GTF3C4: variants seen among roughly 807,000 people sequenced by gnomAD.
The protein encoded by GTF3C4 is general transcription factor IIIC subunit 4, also known as general transcription factor 3C polypeptide 4.
A neutral mutation model predicts 67.5 loss-of-function variants in GTF3C4; 28 were observed. The observed-to-expected ratio is 0.41, with a 90% CI of 0.31 to 0.57. GTF3C4 has a LOEUF of 0.57. Ranked by LOEUF, GTF3C4 falls within the 20% of genes least tolerant of loss-of-function variation. GTF3C4 has a pLI of 0.21. For synonymous variants in GTF3C4, 409 were observed against 393.0 expected, an observed-to-expected ratio of 1.04 and a Z score of -0.48; for missense variants, 831 against 1,033.2, an observed-to-expected ratio of 0.80 and a Z score of 2.68.
In GTF3C4 at chr9:132,693,199, C is replaced by T. The variant is rs1163081228; in HGVS notation, c.*4254C>T. The T allele has an allele frequency of 6.6e-6, 1 of 152,174 alleles. No homozygotes were observed. The highest frequency in any genetic ancestry group is 1.5e-5 in the Non-Finnish European group (1 of 68,030). The allele number at this position is 152,174 out of a possible 1,614,324, so 9.4% of individuals were successfully genotyped here. A position where few individuals can be genotyped will look rare whatever the true frequency, so the allele number is the denominator to read the frequency against. On this transcript the variant is annotated 3_prime_UTR_variant, in exon 5 of 5. Transcript: ENST00000372146. Reference sequence around the variant, plus strand: ...CCTGCCATCTGCATAGATGGTTTAACATGGTGCTGTTTTTGAAAACTTGCT... The same window carrying T: ...CCTGCCATCTGCATAGATGGTTTAATATGGTGCTGTTTTTGAAAACTTGCT...
intron 2 of GTF3C4, among the ~76,000 whole-genome samples, chr9:132,680,760 A>G (rs888340977): frequency 5.3e-5 from 8 of 152,234 alleles, no homozygotes; most frequent in African/African-American, 1.4e-4. Context: ...AATGTTTGCA[A>G]TGGTCTTAAG....
intron 3 of GTF3C4, 41 bp from the exon 4 acceptor site, chr9:132,687,198 G>C (rs754719089): frequency 9.1e-7 from 1 of 1,100,056 alleles, no homozygotes; most frequent in Admixed American, 1.7e-5. Flanking sequence ...TGTTAGTAGA[G>C]CAAACCCTCT....
Position 132,671,044 on chromosome 9 carries a change from C to A in GTF3C4, c.357+89C>A, listed in dbSNP as rs1590129157. 3.4e-5 allele frequency: 30 copies of A among 895,264 alleles called. 1 individual carries two copies. In the East Asian group the frequency reaches 7.5e-4, roughly 22 times the overall value. The allele number at this position is 895,264 out of a possible 1,614,324, so 55.5% of individuals were successfully genotyped here. On this transcript the variant is annotated intron_variant, in intron 1 of 4. Transcript: ENST00000372146. ...TCCCAGGGGAATCCGATCCCACACTCTGTCCGGGGATTTCCCTCTTCGCAC... is the reference window on the plus strand; with the variant it reads ...TCCCAGGGGAATCCGATCCCACACTATGTCCGGGGATTTCCCTCTTCGCAC...
In GTF3C4 at chr9:132,694,894, C is replaced by T. The variant is rs1231988173; in HGVS notation, c.*5949C>T. The T allele has an allele frequency of 1.3e-5, 2 of 152,110 alleles. No individual in the cohort carries two copies. The highest frequency in any genetic ancestry group is 4.8e-5 in the African/African-American group (2 of 41,410). 9.4% of individuals were successfully genotyped at this position (152,110 alleles called of 1,614,324 possible). ...AATATGTTGTGGTTTGTATACAGAG[C>T]CATTAGTATTGTTATTTTGGCCACT... is the stretch of plus-strand genomic sequence containing the variant. On this transcript the variant is annotated 3_prime_UTR_variant, in exon 5 of 5. Coordinates refer to ENST00000372146, the MANE Select transcript of GTF3C4 (RefSeq NM_012204.4).
chr9:132,677,263 G>A (rs1489179034), intron 1 of GTF3C4, among the ~76,000 whole-genome samples: 1 of 152,182 alleles, frequency 6.6e-6, no homozygotes, highest in Non-Finnish European at 1.5e-5. Flanking sequence ...TTAGCTGGGT[G>A]TGGTGGTGCA....
chr9:132,682,122 AGAGGTATGTATGG>A (rs1835954503), intron 2 of GTF3C4, among the ~76,000 whole-genome samples: 1 of 152,108 alleles, frequency 6.6e-6, no homozygotes, highest in South Asian at 2.1e-4. Context: ...AAGAAAAAAT[AGAGGTATGTATGG>A]GAGGAATTCT....
rs1835697248 is a variant in GTF3C4, at chr9:132,670,545, G to C, written c.-54G>C. The stretch of plus-strand genomic sequence containing the variant: ...GGGTGGCGGCGGCGGTCCGGGAGGT[G>C]GTCGCGCGACTGCGTGGAGCGCCAG... On this transcript the variant is annotated 5_prime_UTR_variant, in exon 1 of 5. Transcript: ENST00000372146. The C allele has an allele frequency of 2.3e-6, 3 of 1,293,448 alleles. No homozygotes were observed. Among genetic ancestry groups the C allele is most frequent in the South Asian group, 3.4e-5 (2 of 58,444 alleles). 80.1% of individuals were successfully genotyped at this position (1,293,448 alleles called of 1,614,324 possible).
intron 2 of GTF3C4, among the ~76,000 whole-genome samples, chr9:132,680,829 G>C (rs953810524): frequency 2.0e-5 from 3 of 152,222 alleles, no homozygotes; most frequent in Non-Finnish European, 4.4e-5. Flanking sequence ...TAACTTTTGG[G>C]GCTGGGCGTG....
chr9:132,688,867 T>A lies in GTF3C4; in HGVS notation c.2405-14T>A. The A allele has an allele frequency of 6.2e-7, 1 of 1,600,232 alleles. No homozygotes were observed. The highest frequency in any genetic ancestry group is 8.6e-7 in the Non-Finnish European group (1 of 1,167,256). ...CGAAGCTAACAGTTGATACCACTTG[T>A]CCTCCTTTTGCAGATCCCGACTGGA... On this transcript the variant is annotated splice_polypyrimidine_tract_variant and intron_variant, in intron 4 of 4. Transcript: ENST00000372146.
In GTF3C4 at chr9:132,683,575, C is replaced by T. The variant is rs994665926; in HGVS notation, c.2197C>T (p.His733Tyr). The T allele has an allele frequency of 2.5e-6, 4 of 1,612,068 alleles. No individual in the cohort carries two copies. The African/African-American group carries it at 5.3e-5, about 22-fold the overall frequency. Residue 733 changes from histidine (H) to tyrosine (Y), a missense_variant, in exon 3 of 5, where the codon CAT (histidine) becomes TAT (tyrosine). Physicochemically the swap from His to Tyr is moderately conservative, Grantham distance 83. Around this residue, in one of 4 missense-constraint regions of GTF3C4, gnomAD observed 129 missense variants for 213.8 expected, o/e 0.60. Coordinates refer to ENST00000372146, the MANE Select transcript of GTF3C4 (RefSeq NM_012204.4). ...TTTGTCTTACTAGGTGCTGATTGGA[C>T]ATATCTCAAAGAAGATGAACAAACA... The part of the protein sequence containing the change: ...DDRTARVLIG[H>Y]ISKKMNKQTF...
At chr9:132,675,493 A>G (rs928964518) in intron 1 of GTF3C4, among the ~76,000 whole-genome samples, 1 of 152,168 alleles carries the variant, frequency 6.6e-6, no homozygotes, top group Non-Finnish European at 1.5e-5. Context: ...CTAAAACACC[A>G]TTCCCAAAGT....
intron 2 of GTF3C4, among the ~76,000 whole-genome samples, chr9:132,680,246 A>T (rs1835920979): frequency 6.6e-6 from 1 of 152,270 alleles, no homozygotes; most frequent in Non-Finnish European, 1.5e-5. Flanking sequence ...AGAAAGACAT[A>T]TAAAGTAAAC....
chr9:132,681,599 C>T (rs1444187703), intron 2 of GTF3C4, among the ~76,000 whole-genome samples: 2 of 151,944 alleles, frequency 1.3e-5, no homozygotes, highest in Admixed American at 6.6e-5. Context: ...TCTGAATTGC[C>T]CCTGCCCATG....
chr9:132,671,107 CA>C (rs1835735552), intron 1 of GTF3C4, 152 bp downstream of exon 1: 1 of 628,358 alleles, frequency 1.6e-6, no homozygotes, highest in Non-Finnish European at 2.7e-6. Context: ...AGGGTTACCA[CA>C]GCTTAAAAAA....
At chr9:132,670,224 C>A, upstream of GTF3C4, 1 of 1,539,816 alleles carries the variant, frequency 6.5e-7, no homozygotes, top group South Asian at 1.2e-5. Flanking sequence ...CTCTGAATGC[C>A]TCTGAGAAGC....
At chr9:132,680,624 T>C (rs1378562467) in intron 2 of GTF3C4, among the ~76,000 whole-genome samples, 1 of 152,240 alleles carries the variant, frequency 6.6e-6, no homozygotes, top group African/African-American at 2.4e-5. Context: ...TTATTTAAAG[T>C]ATTAATTGAA....
At chr9:132,672,305 G>A (rs908401024) in intron 1 of GTF3C4, among the ~76,000 whole-genome samples, 11 of 152,178 alleles carry the variant, frequency 7.2e-5, no homozygotes, top group Non-Finnish European at 2.9e-5. Context: ...AGTAGACATC[G>A]AATACCTTAG....
In GTF3C4 at chr9:132,679,952, A is replaced by G. The variant is rs1474155449; in HGVS notation, c.2184+149A>G. ...CTTGAGGTGCAGGGTAATAAATAGGAAGCGTGGATTAATGCAGAGGATGCA... is the reference window on the plus strand; with the variant it reads ...CTTGAGGTGCAGGGTAATAAATAGGGAGCGTGGATTAATGCAGAGGATGCA... On this transcript the variant is annotated intron_variant, in intron 2 of 4. Coordinates refer to ENST00000372146, the MANE Select transcript of GTF3C4 (RefSeq NM_012204.4). This position sits in a 1 kb window ranked among gnomAD's most constrained non-coding sequence, Gnocchi z 5.9. 1.2e-5 allele frequency: 8 copies of G among 643,440 alleles called. No homozygotes were observed. The highest frequency in any genetic ancestry group is 2.1e-5 in the Non-Finnish European group (8 of 380,758). The allele number at this position is 643,440 out of a possible 1,614,324, so 39.9% of individuals were successfully genotyped here.
rs144756359 is a variant in GTF3C4 at position 132,678,951 on chromosome 9, C to T, written c.1332C>T (p.Asp444=). 524 of 1,614,180 alleles carry T rather than the reference C, an allele frequency of 3.2e-4. No individual in the cohort carries two copies. The highest frequency in any genetic ancestry group is 3.7e-4 in the Non-Finnish European group (440 of 1,180,030). The part of the protein sequence containing the change: ...QNGTVYTCSS[D]GKVRQLIPIF... The stretch of plus-strand genomic sequence containing the variant: ...GAACAGTCTATACTTGCTCCAGTGA[C>T]GGAAAGGTGAGGCAGCTGATTCCCA... Residue 444 remains aspartate, a synonymous_variant, in exon 2 of 5, where the codon GAC becomes GAT. Coordinates refer to ENST00000372146, the MANE Select transcript of GTF3C4 (RefSeq NM_012204.4). This position sits in a 1 kb window ranked among gnomAD's most constrained non-coding sequence, Gnocchi z 6.5.
Sources: allele counts gnomAD v4.1 joint callset (sites outside exome capture counted in the v4.1 genomes callset), GRCh38; gene constraint gnomAD v4.1.1; regional missense constraint gnomAD v4.1.1; non-coding constraint Gnocchi (gnomAD v3.1); transcripts MANE v1.5; gene names NCBI Gene and HGNC (gene_info 2026-07-23, HGNC 2026-07-21).